The following JAZF1 variants were observed in gnomAD, a reference collection of about 807,000 sequenced individuals.
JAZF1 encodes juxtaposed with another zinc finger protein 1.
Under a neutral mutation model 26.4 loss-of-function variants are expected in JAZF1, and 8 were observed. That is an observed-to-expected ratio of 0.30 (90% CI 0.18 to 0.55). JAZF1 has a LOEUF of 0.55. Among genes scored for constraint, JAZF1 ranks in the 20% least tolerant of loss-of-function variants. The probability of loss-of-function intolerance (pLI) is 0.94; values close to 1 mark genes in which losing one functional copy is unlikely to be tolerated. For synonymous variants in JAZF1, 126 were observed against 122.3 expected, an observed-to-expected ratio of 1.03 and a Z score of -0.20; for missense variants, 199 against 322.0, an observed-to-expected ratio of 0.62 and a Z score of 2.92.
intron 1 of JAZF1, among the ~76,000 whole-genome samples, chr7:28,012,597 A>G (rs1328033295): frequency 6.6e-6 from 1 of 152,172 alleles, no homozygotes; most frequent in Non-Finnish European, 1.5e-5. Context: ...ATAGGAGGGA[A>G]GAGGGAGTTT....
chr7:28,096,504 T>C (rs1784386831), intron 1 of JAZF1, among the ~76,000 whole-genome samples: 1 of 152,218 alleles, frequency 6.6e-6, no homozygotes, highest in Non-Finnish European at 1.5e-5. Flanking sequence ...AAATATTTTG[T>C]CTTTTAAGTG....
intron 2 of JAZF1, among the ~76,000 whole-genome samples, chr7:27,955,191 C>A (rs1037975497): frequency 2.6e-5 from 4 of 152,140 alleles, no homozygotes; most frequent in African/African-American, 7.2e-5. Flanking sequence ...TTGGTTTCTG[C>A]CAGATTTGTG....
rs767243532 is a variant in JAZF1 at position 27,840,905 on chromosome 7, C to T, written c.386-38G>A. 3.1e-6 allele frequency: 5 copies of T among 1,605,818 alleles called. No individual in the cohort carries two copies. Among genetic ancestry groups the T allele is most frequent in the Non-Finnish European group, 4.3e-6 (5 of 1,174,890 alleles). On this transcript the variant is annotated intron_variant, in intron 3 of 4. Transcript: ENST00000283928. The surrounding 1 kb of genome is among the most constrained non-coding windows in gnomAD (Gnocchi z 5.1). ...AGAAGTGCAAGGACTGTCAGGAGCG[C>T]TCATCTCCCCACAGGTTCACCCGGC... is the stretch of plus-strand genomic sequence containing the variant.
chr7:28,109,577 A>T (rs1784607623), intron 1 of JAZF1, among the ~76,000 whole-genome samples: 1 of 152,174 alleles, frequency 6.6e-6, no homozygotes, highest in South Asian at 2.1e-4. Context: ...CAATTATACC[A>T]TCTCAATCCA....
chr7:27,935,642 T>A lies in JAZF1; in HGVS notation c.189-40226A>T, dbSNP rs186364222. On this transcript the variant is annotated intron_variant, in intron 2 of 4. Coordinates refer to ENST00000283928, the MANE Select transcript of JAZF1 (RefSeq NM_175061.4). ...ATTGATGGCTGCACAGTGCTGTGAATATACTAAAACCAATGAATTATATAC... is the reference window on the plus strand; with the variant it reads ...ATTGATGGCTGCACAGTGCTGTGAAAATACTAAAACCAATGAATTATATAC... 1.9e-3 allele frequency among the ~76,000 whole-genome samples: 296 copies of A among 152,344 alleles called. 4 individuals are homozygous for A. In the South Asian group the frequency reaches 0.021, roughly 11 times the overall value.
chr7:28,099,258 G>A (rs1159500558), intron 1 of JAZF1, among the ~76,000 whole-genome samples: 1 of 151,838 alleles, frequency 6.6e-6, no homozygotes, highest in Non-Finnish European at 1.5e-5. Context: ...ATGTTCTTTA[G>A]CATTTGATAC....
Position 27,831,500 on chromosome 7 carries a change from A to AAACTT in JAZF1, c.*1295_*1299dup, listed in dbSNP as rs1287271107. 4 of 229,138 alleles carry AAACTT rather than the reference A, an allele frequency of 1.7e-5. No individual in the cohort carries two copies. The highest frequency in any genetic ancestry group is 1.1e-4 in the Admixed American group (2 of 17,670). 14.2% of individuals were successfully genotyped at this position (229,138 alleles called of 1,614,324 possible). A position where few individuals can be genotyped will look rare whatever the true frequency, so the allele number is the denominator to read the frequency against. ...GCATGATGGTACTGTCGGTGAGGAA[A>AAACTT]AACTTAAGGAATGGTCCAGATGTAG... On this transcript the variant is annotated 3_prime_UTR_variant, in exon 5 of 5. Transcript: ENST00000283928.
In JAZF1 at chr7:27,941,835, T is replaced by C. The variant is rs1244572285; in HGVS notation, c.189-46419A>G. Among the ~76,000 whole-genome samples, 5 of 152,296 alleles carry C rather than the reference T, an allele frequency of 3.3e-5. No homozygotes were observed. In the South Asian group the frequency reaches 6.2e-4, roughly 19 times the overall value. ...TGTCCAGCAGGAAGAATGAGCTGTTTTGAAATTTATGCCAGCTTCAGCACG... is the reference window on the plus strand; with the variant it reads ...TGTCCAGCAGGAAGAATGAGCTGTTCTGAAATTTATGCCAGCTTCAGCACG... On this transcript the variant is annotated intron_variant, in intron 2 of 4. Transcript: ENST00000283928.
chr7:28,119,877 C>T (rs1784809677), intron 1 of JAZF1, among the ~76,000 whole-genome samples: 1 of 152,216 alleles, frequency 6.6e-6, no homozygotes, highest in Non-Finnish European at 1.5e-5. Context: ...TAGTCCCCTA[C>T]ATAACTGTAA....
At chr7:27,952,636 T>C (rs901674111) in intron 2 of JAZF1, among the ~76,000 whole-genome samples, 10 of 152,244 alleles carry the variant, frequency 6.6e-5, no homozygotes, top group African/African-American at 2.2e-4. Flanking sequence ...CTCTGGGCTA[T>C]GAATCACTGA....
At chr7:28,167,205 T>C (rs1783382955) in intron 1 of JAZF1, among the ~76,000 whole-genome samples, 1 of 152,184 alleles carries the variant, frequency 6.6e-6, no homozygotes, top group South Asian at 2.1e-4. Flanking sequence ...TCACGTAGCC[T>C]GTGGGATTCC....
chr7:27,905,831 A>C (rs1784246337), intron 2 of JAZF1, among the ~76,000 whole-genome samples: 1 of 152,178 alleles, frequency 6.6e-6, no homozygotes, highest in Non-Finnish European at 1.5e-5. Flanking sequence ...TTCTTGAGAA[A>C]GATTCTTCTT....
chr7:28,037,655 T>C (rs1350119887), intron 1 of JAZF1, among the ~76,000 whole-genome samples: 2 of 152,198 alleles, frequency 1.3e-5, no homozygotes, highest in Non-Finnish European at 2.9e-5. Context: ...TTCATCTCCA[T>C]TTTATTAAAA....
chr7:28,011,519 G>A (rs1319463613), intron 1 of JAZF1, among the ~76,000 whole-genome samples: 2 of 152,164 alleles, frequency 1.3e-5, no homozygotes, highest in Admixed American at 1.3e-4. Context: ...AGGAAGAAAG[G>A]TGTCATGATG....
chr7:27,992,904 T>C (rs1785932534), intron 1 of JAZF1, among the ~76,000 whole-genome samples: 2 of 152,136 alleles, frequency 1.3e-5, no homozygotes, highest in Admixed American at 1.3e-4. Context: ...TGACAGATGT[T>C]GTTTCCAGCA....
At chr7:27,953,826 A>G (rs1030367549) in intron 2 of JAZF1, among the ~76,000 whole-genome samples, 1 of 152,268 alleles carries the variant, frequency 6.6e-6, no homozygotes, top group African/African-American at 2.4e-5. Flanking sequence ...TGCAGCTTCA[A>G]TGATCTGGAG....
intron 1 of JAZF1, among the ~76,000 whole-genome samples, chr7:28,081,570 G>A (rs546885639): frequency 1.7e-4 from 26 of 152,190 alleles, no homozygotes; most frequent in Non-Finnish European, 3.2e-4. Flanking sequence ...CAGTGTCCAC[G>A]CACTTGGACA....
chr7:27,887,432 T>C lies in JAZF1; in HGVS notation c.385+7788A>G, dbSNP rs187316495. On this transcript the variant is annotated intron_variant, in intron 3 of 4. Coordinates refer to ENST00000283928, the MANE Select transcript of JAZF1 (RefSeq NM_175061.4). The stretch of plus-strand genomic sequence containing the variant: ...TGTATTTATTTATTTATTTATTTAT[T>C]TGAGATGAAGTATCACTCTGTTACC... Among the ~76,000 whole-genome samples, 19 of 152,242 alleles carry C rather than the reference T, an allele frequency of 1.2e-4. No homozygotes were observed. In the East Asian group the frequency reaches 3.5e-3, roughly 28 times the overall value.
chr7:27,998,958 T>C (rs1160574300), intron 1 of JAZF1, among the ~76,000 whole-genome samples: 1 of 152,190 alleles, frequency 6.6e-6, no homozygotes, highest in Admixed American at 6.5e-5. Flanking sequence ...CAATGACTGC[T>C]TGAATTTTTC....
Sources: gnomAD v4.1 joint callset for allele counts (sites outside exome capture counted in the v4.1 genomes callset) on GRCh38, gnomAD v4.1.1 for gene constraint, Gnocchi (gnomAD v3.1) non-coding constraint, MANE v1.5 for transcripts, NCBI Gene and HGNC (gene_info 2026-07-23, HGNC 2026-07-21) for gene names.